Variants in ZNF26 observed in about 807,000 individuals in gnomAD.
ZNF26 encodes zinc finger protein 26, also known as epididymis luminal protein 179.
ZNF26 carries 32 observed loss-of-function variants against 54.9 expected under a neutral mutation model. That is an observed-to-expected ratio of 0.58 (90% CI 0.44 to 0.78). The LOEUF (loss-of-function observed/expected upper bound fraction) is 0.78, where lower values mean the gene tolerates loss of function less well. Among genes scored for constraint, ZNF26 ranks in the 30% least tolerant of loss-of-function variants. ZNF26 has a pLI of 0.00. For missense variants in ZNF26, 524 were observed against 634.0 expected, an observed-to-expected ratio of 0.83 and a Z score of 1.86; for synonymous variants, 221 against 209.2, an observed-to-expected ratio of 1.06 and a Z score of -0.49.
chr12:133,009,096 C>T (rs1953409917), intron 3 of ZNF26, among the ~76,000 whole-genome samples: 1 of 152,182 alleles, frequency 6.6e-6, no homozygotes, highest in Admixed American at 6.5e-5. Flanking sequence ...CACCAGGCCC[C>T]ACCTCCAGCA....
At chr12:132,995,690 C>T (rs973023357) in intron 1 of ZNF26, among the ~76,000 whole-genome samples, 3 of 152,106 alleles carry the variant, frequency 2.0e-5, no homozygotes, top group Admixed American at 6.5e-5. Context: ...CTTGCTCTGT[C>T]GCCCAGGCTG....
intron 1 of ZNF26, chr12:133,005,254 G>A (rs1953299029): frequency 6.6e-6 from 1 of 152,136 alleles, no homozygotes; most frequent in Non-Finnish European, 1.5e-5. Context: ...TCAGGCTGGA[G>A]TGCAGTGATG....
chr12:133,006,020 A>G, intron 1 of ZNF26: 1 of 936,406 alleles, frequency 1.1e-6, no homozygotes, highest in South Asian at 4.9e-5. Context: ...ACTGCAAATT[A>G]TGTTCCATCT....
chr12:133,007,574 A>G (rs1165925446), intron 3 of ZNF26, 42 bp downstream of exon 3: 1 of 1,435,524 alleles, frequency 7.0e-7, no homozygotes, highest in Non-Finnish European at 9.7e-7. Context: ...CATGGGAGTG[A>G]GCTGATGAGT....
intron 1 of ZNF26, among the ~76,000 whole-genome samples, chr12:132,998,134 C>G (rs1953130775): frequency 6.7e-6 from 1 of 149,388 alleles, no homozygotes; most frequent in African/African-American, 2.5e-5. Context: ...ATGTAGGCTT[C>G]TTTTAAGTTG....
At position 133,023,138 on chromosome 12, in the gene ZNF26, T is replaced by C. The variant is rs1228490922; in HGVS notation, c.*11657T>C. On this transcript the variant is annotated 3_prime_UTR_variant, in exon 4 of 4. Coordinates refer to ENST00000328654, the MANE Select transcript of ZNF26 (RefSeq NM_019591.4). ...CAACAGTTTAGATTTTAAAAAATTATGGGAGAATACTAAGGATAACCATAC... is the reference window on the plus strand; with the variant it reads ...CAACAGTTTAGATTTTAAAAAATTACGGGAGAATACTAAGGATAACCATAC... The C allele has an allele frequency of 1.3e-5, 2 of 152,172 alleles. No homozygotes were observed. Among genetic ancestry groups the C allele is most frequent in the African/African-American group, 4.8e-5 (2 of 41,454 alleles). The allele number at this position is 152,172 out of a possible 1,614,324, so 9.4% of individuals were successfully genotyped here.
intron 3 of ZNF26, among the ~76,000 whole-genome samples, chr12:133,007,957 G>A (rs57900100): frequency 0.27 from 41,123 of 151,870 alleles, 5,768 homozygotes; most frequent in Non-Finnish European, 0.29. Context: ...TCACAGTCTT[G>A]GCCCTGGTGT....
chr12:133,015,353 C>CAA lies in ZNF26; in HGVS notation c.*3888_*3889dup, dbSNP rs67278075. 12,369 of 98,142 alleles carry CAA rather than the reference C, an allele frequency of 0.13. 898 individuals are homozygous for CAA. Among genetic ancestry groups the CAA allele is most frequent in the South Asian group, 0.16 (446 of 2,798 alleles). 6.1% of individuals were successfully genotyped at this position (98,142 alleles called of 1,614,324 possible). A position where few individuals can be genotyped will look rare whatever the true frequency, so the allele number is the denominator to read the frequency against. On this transcript the variant is annotated 3_prime_UTR_variant, in exon 4 of 4. Transcript: ENST00000328654. The stretch of plus-strand genomic sequence containing the variant: ...TGGGTGACAGAGTGAGACTCTGTCT[C>CAA]AAAAAAAAAAAAAAAAAGAAAAGAA...
At position 133,021,117 on chromosome 12, in the gene ZNF26, CATT is replaced by C. The variant is rs1355816127; in HGVS notation, c.*9637_*9639del. The stretch of plus-strand genomic sequence containing the variant: ...GCTCATACATTTTTTTTTTCTTTTT[CATT>C]TTTTTTTTTTTTTTTTGAGACGGAA... On this transcript the variant is annotated 3_prime_UTR_variant, in exon 4 of 4. Transcript: ENST00000328654. 6.0e-4 allele frequency: 52 copies of C among 85,996 alleles called. No individual in the cohort carries two copies. Among genetic ancestry groups the C allele is most frequent in the African/African-American group, 1.3e-3 (31 of 24,644 alleles). The allele number at this position is 85,996 out of a possible 1,614,324, so 5.3% of individuals were successfully genotyped here.
chr12:132,988,135 A>G (rs1446631918), intron 1 of ZNF26, among the ~76,000 whole-genome samples: 1 of 152,134 alleles, frequency 6.6e-6, no homozygotes, highest in Non-Finnish European at 1.5e-5. Flanking sequence ...CAGCCTCCCG[A>G]GTAGCTGGGA....
chr12:133,012,277 G>A lies in ZNF26; in HGVS notation c.*796G>A, dbSNP rs1044417665. On this transcript the variant is annotated 3_prime_UTR_variant, in exon 4 of 4. Transcript: ENST00000328654. ...TGGAGAAATACCTCCCCTCTCTGGG[G>A]TGCTTCCTGTGGTAGTGTCTTTCAG... 1.3e-5 allele frequency: 2 copies of A among 152,118 alleles called. No homozygotes were observed. The highest frequency in any genetic ancestry group is 6.6e-5 in the Admixed American group (1 of 15,254). 9.4% of individuals were successfully genotyped at this position (152,118 alleles called of 1,614,324 possible). A position where few individuals can be genotyped will look rare whatever the true frequency, so the allele number is the denominator to read the frequency against.
rs1211191833 is a variant in ZNF26, at chr12:133,018,216, A to G, written c.*6735A>G. 1 of 152,228 alleles carries G rather than the reference A, an allele frequency of 6.6e-6. No homozygotes were observed. Among genetic ancestry groups the G allele is most frequent in the African/African-American group, 2.4e-5 (1 of 41,460 alleles). The allele number at this position is 152,228 out of a possible 1,614,324, so 9.4% of individuals were successfully genotyped here. A position where few individuals can be genotyped will look rare whatever the true frequency, so the allele number is the denominator to read the frequency against. On this transcript the variant is annotated 3_prime_UTR_variant, in exon 4 of 4. Transcript: ENST00000328654. ...ACCAGAAATAGGAAATAAATAGGCT[A>G]CTGTAACAAAAGCTGTTAATATATA...
At chr12:132,999,279 G>A (rs1953158481) in intron 1 of ZNF26, among the ~76,000 whole-genome samples, 2 of 152,194 alleles carry the variant, frequency 1.3e-5, no homozygotes, top group African/African-American at 4.8e-5. Context: ...TTGAGATGGA[G>A]TTTTGCTCTT....
intron 1 of ZNF26, among the ~76,000 whole-genome samples, chr12:132,995,790 T>TA (rs1481639826): frequency 6.6e-6 from 1 of 152,134 alleles, no homozygotes; most frequent in Non-Finnish European, 1.5e-5. Flanking sequence ...TAGCTGGGAT[T>TA]ACAGTTGCCC....
chr12:133,009,705 A>G (rs901316337), intron 3 of ZNF26, among the ~76,000 whole-genome samples: 3 of 151,484 alleles, frequency 2.0e-5, no homozygotes, highest in Non-Finnish European at 2.9e-5. Flanking sequence ...GCCTTTTTCT[A>G]TTTCTTAAAC....
Position 132,986,733 on chromosome 12 carries a change from C to T in ZNF26, c.-108C>T, listed in dbSNP as rs1952828800. Reference sequence around the variant, plus strand: ...GACTCGGCCCCGGGACGGTCAGGAGCCTGGGGCCCTGGTCCCGCACCTGTC... The same window carrying T: ...GACTCGGCCCCGGGACGGTCAGGAGTCTGGGGCCCTGGTCCCGCACCTGTC... On this transcript the variant is annotated 5_prime_UTR_variant, in exon 1 of 4. Transcript: ENST00000328654. The T allele has an allele frequency of 5.5e-6, 7 of 1,281,132 alleles. No individual in the cohort carries two copies. Among genetic ancestry groups the T allele is most frequent in the Admixed American group, 4.3e-5 (2 of 46,322 alleles). 79.4% of individuals were successfully genotyped at this position (1,281,132 alleles called of 1,614,324 possible).
Position 133,012,898 on chromosome 12 carries a change from C to G in ZNF26, c.*1417C>G, listed in dbSNP as rs974006078. ...CCGGCCAGCTTTCTATTTCTTATAACCTAAGGGCTTTAACTGATCAGTTGT... is the reference window on the plus strand; with the variant it reads ...CCGGCCAGCTTTCTATTTCTTATAAGCTAAGGGCTTTAACTGATCAGTTGT... On this transcript the variant is annotated 3_prime_UTR_variant, in exon 4 of 4. Transcript: ENST00000328654. The G allele has an allele frequency of 2.0e-5, 3 of 151,954 alleles. No homozygotes were observed. Among genetic ancestry groups the G allele is most frequent in the Non-Finnish European group, 4.4e-5 (3 of 68,018 alleles). The allele number at this position is 151,954 out of a possible 1,614,324, so 9.4% of individuals were successfully genotyped here. A position where few individuals can be genotyped will look rare whatever the true frequency, so the allele number is the denominator to read the frequency against.
chr12:133,009,635 G>A (rs889548461), intron 3 of ZNF26, among the ~76,000 whole-genome samples: 2 of 151,850 alleles, frequency 1.3e-5, no homozygotes, highest in Non-Finnish European at 2.9e-5. Flanking sequence ...TTTTTGCCAT[G>A]GATTTGAATA....
chr12:132,996,385 C>T (rs921494368), intron 1 of ZNF26, among the ~76,000 whole-genome samples: 1 of 152,322 alleles, frequency 6.6e-6, no homozygotes, highest in South Asian at 2.1e-4. Flanking sequence ...CCAAGAGGAG[C>T]TCTTTTCTCT....
Sources: allele counts gnomAD v4.1 joint callset (sites outside exome capture counted in the v4.1 genomes callset), GRCh38; gene constraint gnomAD v4.1.1; transcripts MANE v1.5; gene names NCBI Gene and HGNC (gene_info 2026-07-23, HGNC 2026-07-21).